The following PCSK5 variants were observed in gnomAD, a reference collection of about 807,000 sequenced individuals.
The protein encoded by PCSK5 is prohormone convertase 5.
In PCSK5, 129 loss-of-function variants were observed where a neutral mutation model predicts 233.2. The ratio of observed to expected loss-of-function variants is 0.55; its 90% CI spans 0.48 to 0.64. The LOEUF is 0.64. Among genes scored for constraint, PCSK5 ranks in the 30% least tolerant of loss-of-function variants. The pLI is 0.00. For missense variants in PCSK5, 2,076 were observed against 2,430.1 expected, an observed-to-expected ratio of 0.85 and a Z score of 3.06; for synonymous variants, 825 against 879.2, an observed-to-expected ratio of 0.94 and a Z score of 1.09.
chr9:76,319,560 C>G (rs1469702095), intron 30 of PCSK5, among the ~76,000 whole-genome samples: 1 of 152,048 alleles, frequency 6.6e-6, no homozygotes, highest in Non-Finnish European at 1.5e-5. Context: ...ACATAAGGGC[C>G]GCTTGAGGGC....
At chr9:76,145,340 G>A (rs1267401444) in intron 10 of PCSK5, among the ~76,000 whole-genome samples, 1 of 152,072 alleles carries the variant, frequency 6.6e-6, no homozygotes, top group East Asian at 1.9e-4. Context: ...AGTTCCAGTA[G>A]AAGTTTCATA....
intron 3 of PCSK5, among the ~76,000 whole-genome samples, chr9:76,000,571 A>C (rs1218875647): frequency 6.6e-6 from 1 of 152,224 alleles, no homozygotes; most frequent in African/African-American, 2.4e-5. Flanking sequence ...AGTGAGATAC[A>C]GTTTCTGTAG....
intron 24 of PCSK5, among the ~76,000 whole-genome samples, chr9:76,290,419 C>T (rs73652914): frequency 0.023 from 3,538 of 152,190 alleles, 127 homozygotes; most frequent in African/African-American, 0.078. Flanking sequence ...TCTTAGTCAC[C>T]GTATTACAAA....
chr9:76,010,889 T>A (rs1408285166), intron 3 of PCSK5, among the ~76,000 whole-genome samples: 1 of 152,182 alleles, frequency 6.6e-6, no homozygotes, highest in Non-Finnish European at 1.5e-5. Flanking sequence ...GGAAAAAATG[T>A]GGTTTAGGTT....
At chr9:76,177,620 G>A (rs550573163) in intron 14 of PCSK5, among the ~76,000 whole-genome samples, 179 of 152,208 alleles carry the variant, frequency 1.2e-3, no homozygotes, top group Non-Finnish European at 2.1e-3. Flanking sequence ...TTGTCTTCTC[G>A]GATAGGAGAA....
At chr9:76,050,976 T>C (rs549970362) in intron 5 of PCSK5, among the ~76,000 whole-genome samples, 19 of 152,268 alleles carry the variant, frequency 1.2e-4, no homozygotes, top group South Asian at 4.2e-4. Context: ...CATTTTACCT[T>C]AAAAGCCCCA....
chr9:76,054,851 G>A (rs1829763428), intron 5 of PCSK5, among the ~76,000 whole-genome samples: 5 of 152,080 alleles, frequency 3.3e-5, no homozygotes, highest in Non-Finnish European at 5.9e-5. Flanking sequence ...GTGTGTGTAT[G>A]TGTGTGTGTC....
intron 3 of PCSK5, among the ~76,000 whole-genome samples, chr9:75,995,501 G>C (rs1230802243): frequency 6.6e-6 from 1 of 152,168 alleles, no homozygotes; most frequent in Non-Finnish European, 1.5e-5. Context: ...TTTTTGGTAT[G>C]TTTTGGAAGA....
chr9:75,997,899 G>A (rs1165727466), intron 3 of PCSK5, among the ~76,000 whole-genome samples: 2 of 152,156 alleles, frequency 1.3e-5, no homozygotes, highest in Non-Finnish European at 1.5e-5. Flanking sequence ...TCTAGCTTTT[G>A]TTCTACTTCT....
At chr9:76,083,070 A>G (rs1000171153) in intron 7 of PCSK5, among the ~76,000 whole-genome samples, 1 of 151,976 alleles carries the variant, frequency 6.6e-6, no homozygotes, top group African/African-American at 2.4e-5. Context: ...TTAGTTAGGC[A>G]TGGTGGTGCA....
chr9:75,994,259 T>A (rs1424084913), intron 3 of PCSK5, among the ~76,000 whole-genome samples: 1 of 152,098 alleles, frequency 6.6e-6, no homozygotes, highest in Non-Finnish European at 1.5e-5. Flanking sequence ...AAGTCAAAGC[T>A]ACTTTACCTC....
In PCSK5 at chr9:76,252,648, C is replaced by T. The variant is rs560249069; in HGVS notation, c.3142+11964C>T. On this transcript the variant is annotated intron_variant, in intron 24 of 37. Coordinates refer to ENST00000674117, the MANE Select transcript of PCSK5 (RefSeq NM_001372043.1). ...TTCGTTTACCTCTACAAAGGACCTT[C>T]GTGCTCTGTGGGAAAGTGGGTTCTA... 1.2e-4 allele frequency among the ~76,000 whole-genome samples: 19 copies of T among 152,300 alleles called. No individual in the cohort carries two copies. In the South Asian group the frequency reaches 3.5e-3, roughly 28 times the overall value.
intron 24 of PCSK5, among the ~76,000 whole-genome samples, chr9:76,263,628 TGGGGTGG>T (rs1827248721): frequency 7.8e-6 from 1 of 128,624 alleles, no homozygotes; most frequent in African/African-American, 3.0e-5. Flanking sequence ...GGGACTGTTG[TGGGGTGG>T]GGGGAGTGGG....
chr9:76,274,329 T>C (rs1487847189), intron 24 of PCSK5, among the ~76,000 whole-genome samples: 1 of 152,138 alleles, frequency 6.6e-6, no homozygotes, highest in Non-Finnish European at 1.5e-5. Context: ...AGATGTTCTT[T>C]TTATTTCTTT....
chr9:75,928,114 G>C (rs1257935436), intron 1 of PCSK5, among the ~76,000 whole-genome samples: 1 of 152,152 alleles, frequency 6.6e-6, no homozygotes, highest in Admixed American at 6.6e-5. Context: ...AGTTGTGTTA[G>C]TGTGTGACTG....
At chr9:76,336,026 T>G (rs1461662302) in intron 34 of PCSK5, among the ~76,000 whole-genome samples, 1 of 152,116 alleles carries the variant, frequency 6.6e-6, no homozygotes, top group South Asian at 2.1e-4. Flanking sequence ...TAGATTTCAC[T>G]TTTCCCTGAT....
In PCSK5 at chr9:76,240,201, T is replaced by C. The variant is rs1381831985; in HGVS notation, c.3074-415T>C. Among the ~76,000 whole-genome samples the C allele has an allele frequency of 2.0e-5, 3 of 152,212 alleles. No individual in the cohort carries two copies. In the East Asian group the frequency reaches 5.8e-4, roughly 29 times the overall value. ...CATAATTAAGACACTCAATTCTGTT[T>C]CTCCTTAATGTTTATGAATGTAGTA... On this transcript the variant is annotated intron_variant, in intron 23 of 37. Transcript: ENST00000674117.
intron 5 of PCSK5, among the ~76,000 whole-genome samples, chr9:76,052,304 G>T (rs984557188): frequency 6.6e-6 from 1 of 152,068 alleles, no homozygotes. Context: ...CTGTTCTCAC[G>T]CTGCCAATAA....
chr9:76,341,691 C>T (rs1050565176), intron 35 of PCSK5, among the ~76,000 whole-genome samples: 1 of 152,188 alleles, frequency 6.6e-6, no homozygotes, highest in South Asian at 2.1e-4. Flanking sequence ...TTTACTCCCT[C>T]TCTCTCTTAT....
Sources: allele counts gnomAD v4.1 joint callset (sites outside exome capture counted in the v4.1 genomes callset), GRCh38; gene constraint gnomAD v4.1.1; transcripts MANE v1.5; gene names NCBI Gene and HGNC (gene_info 2026-07-23, HGNC 2026-07-21).